The following EIF2AK4 variants were observed in gnomAD, a reference collection of about 807,000 sequenced individuals.
The protein encoded by EIF2AK4 is eIF-2-alpha kinase GCN2.
A neutral mutation model predicts 211.1 loss-of-function variants in EIF2AK4; 139 were observed. The observed-to-expected ratio is 0.66, with a 90% CI of 0.57 to 0.76. The LOEUF is 0.76. EIF2AK4 is among the 30% of genes least tolerant of loss of function. The probability of loss-of-function intolerance (pLI) is 0.00; values close to 1 mark genes in which losing one functional copy is unlikely to be tolerated. For missense variants in EIF2AK4, 1,664 were observed against 2,043.8 expected (o/e 0.81, Z 3.58); for synonymous variants, 710 against 751.3 (o/e 0.94, Z 0.90).
At chr15:39,938,457 T>C (rs958328387) in intron 1 of EIF2AK4, among the ~76,000 whole-genome samples, 2 of 152,232 alleles carry the variant, frequency 1.3e-5, no homozygotes, top group African/African-American at 4.8e-5. Flanking sequence ...TGGTACTCCT[T>C]GTAAGGTTCA....
chr15:40,010,547 G>A (rs2035221311), intron 26 of EIF2AK4, among the ~76,000 whole-genome samples: 2 of 152,158 alleles, frequency 1.3e-5, no homozygotes, highest in South Asian at 4.1e-4. Flanking sequence ...GAATGCTTAT[G>A]TTTTCTAATA....
At position 39,976,774 on chromosome 15, in the gene EIF2AK4, G is replaced by A. The variant is rs1431341594; in HGVS notation, c.2179G>A (p.Gly727Ser). ...RSASARFPAT[G>S]PGSSDDEDDD... ...GGCCAGTGCCCGTTTCCCCGCCACCGGCCCGGGCTCCAGCGATGACGAGGA... is the reference window on the plus strand; with the variant it reads ...GGCCAGTGCCCGTTTCCCCGCCACCAGCCCGGGCTCCAGCGATGACGAGGA... The change falls in exon 12 of 39, where the codon GGC (glycine) becomes AGC (serine). Residue 727 changes from glycine to serine, a missense_variant. Around this residue, in one of 7 missense-constraint regions of EIF2AK4, gnomAD observed 206 missense variants for 201.9 expected, o/e 1.02. Transcript: ENST00000263791. 3 of 1,590,824 alleles carry A rather than the reference G, an allele frequency of 1.9e-6. No homozygotes were observed. Among genetic ancestry groups the A allele is most frequent in the South Asian group, 2.3e-5 (2 of 88,246 alleles).
chr15:40,029,861 G>A (rs982153809), intron 34 of EIF2AK4, among the ~76,000 whole-genome samples: 16 of 152,196 alleles, frequency 1.1e-4, no homozygotes, highest in African/African-American at 3.9e-4. Flanking sequence ...AGTGGTGATA[G>A]TTATGCCTTT....
chr15:39,979,429 C>T (rs537821986), intron 13 of EIF2AK4, among the ~76,000 whole-genome samples: 16 of 152,126 alleles, frequency 1.1e-4, no homozygotes, highest in Admixed American at 2.0e-4. Context: ...TTTACTTTGT[C>T]CAGATTAAGA....
At chr15:39,973,144 A>G (rs2034647742) in intron 10 of EIF2AK4, 130 bp downstream of exon 10, 2 of 771,798 alleles carry the variant, frequency 2.6e-6, no homozygotes, top group Non-Finnish European at 4.3e-6. Context: ...TAAATCCATT[A>G]GTTTGATGTG....
intron 29 of EIF2AK4, among the ~76,000 whole-genome samples, chr15:40,017,558 T>TGTATGTA (rs1555422343): frequency 6.3e-5 from 8 of 127,998 alleles, no homozygotes; most frequent in East Asian, 2.3e-4. Flanking sequence ...TATATATGTA[T>TGTATGTA]TTTGGAGACA....
At chr15:40,023,243 T>C (rs2035418615) in intron 32 of EIF2AK4, among the ~76,000 whole-genome samples, 1 of 152,260 alleles carries the variant, frequency 6.6e-6, no homozygotes, top group Non-Finnish European at 1.5e-5. Flanking sequence ...AATTTTACTT[T>C]TTTGTATTCA....
chr15:39,984,336 CTCT>C (rs1311666445), intron 13 of EIF2AK4, among the ~76,000 whole-genome samples: 1 of 152,182 alleles, frequency 6.6e-6, no homozygotes, highest in Non-Finnish European at 1.5e-5. Context: ...GCTATACGGG[CTCT>C]TTTTTGGTCC....
chr15:39,998,215 A>C (rs1170925203), intron 19 of EIF2AK4, among the ~76,000 whole-genome samples: 1 of 131,528 alleles, frequency 7.6e-6, no homozygotes, highest in Non-Finnish European at 1.6e-5. Flanking sequence ...GGAAGTAGAG[A>C]TTTTTTTTCT....
At chr15:40,007,149 C>T in intron 24 of EIF2AK4, 84 bp downstream of exon 24, 1 of 1,239,120 alleles carries the variant, frequency 8.1e-7, no homozygotes, top group Non-Finnish European at 1.1e-6. Context: ...ATTTTATTTC[C>T]TGTGATCCTT....
In EIF2AK4 at chr15:39,967,496, C is replaced by T. The variant is rs1229144065; in HGVS notation, c.1170C>T (p.His390=). ...EHISGVSLAA[H]LSHSGPIPVH... ...TTAGTGGGGTCTCTCTTGCTGCACACCTGAGCCACTCAGGCCCCATCCCTG... is the reference window on the plus strand; with the variant it reads ...TTAGTGGGGTCTCTCTTGCTGCACATCTGAGCCACTCAGGCCCCATCCCTG... Residue 390 remains histidine (H), a synonymous_variant, in exon 9 of 39, where the codon CAC becomes CAT. Coordinates refer to ENST00000263791, the MANE Select transcript of EIF2AK4 (RefSeq NM_001013703.4). The T allele has an allele frequency of 2.5e-5, 41 of 1,613,952 alleles. No individual in the cohort carries two copies. The highest frequency in any genetic ancestry group is 1.9e-4 in the South Asian group (17 of 91,080).
intron 25 of EIF2AK4, 114 bp downstream of exon 25, chr15:40,008,309 C>A: frequency 1.0e-6 from 1 of 953,036 alleles, no homozygotes; most frequent in Non-Finnish European, 1.5e-6. Flanking sequence ...AGATGAATCA[C>A]ATCTTTACTA....
intron 1 of EIF2AK4, among the ~76,000 whole-genome samples, chr15:39,937,180 G>A (rs1179837037): frequency 6.6e-6 from 1 of 152,146 alleles, no homozygotes; most frequent in East Asian, 1.9e-4. Context: ...TAATTTGATA[G>A]CTTTTGGAAA....
At position 39,965,756 on chromosome 15, in the gene EIF2AK4, G is replaced by T; in HGVS notation, c.930G>T (p.Leu310Phe). 6.2e-7 allele frequency: 1 copy of T among 1,614,104 alleles called. No individual in the cohort carries two copies. The highest frequency in any genetic ancestry group is 8.5e-7 in the Non-Finnish European group (1 of 1,179,980). ...LETATGGFVL[L>F]YEWVLQWQKK... ...CAGCCACTGGTGGCTTTGTCTTGTTGTATGAGTGGGTCCTTCAGTGGCAGA... is the reference window on the plus strand; with the variant it reads ...CAGCCACTGGTGGCTTTGTCTTGTTTTATGAGTGGGTCCTTCAGTGGCAGA... The change falls in exon 8 of 39, where the codon TTG (leucine) becomes TTT (phenylalanine). Residue 310 changes from leucine to phenylalanine, a missense_variant. By Grantham distance (22) the Leu-to-Phe change is conservative (BLOSUM62 0). Around this residue, in one of 7 missense-constraint regions of EIF2AK4, gnomAD observed 641 missense variants for 729.6 expected, o/e 0.88. Coordinates refer to ENST00000263791, the MANE Select transcript of EIF2AK4 (RefSeq NM_001013703.4).
chr15:39,986,880 C>CAAAAAA (rs572153413), intron 14 of EIF2AK4, among the ~76,000 whole-genome samples: 7 of 151,990 alleles, frequency 4.6e-5, no homozygotes, highest in African/African-American at 1.7e-4. Flanking sequence ...ACAACAACAA[C>CAAAAAA]AAAAACAAAG....
rs2034027679 is a variant in EIF2AK4 at position 39,934,207 on chromosome 15, C to T, written c.12C>T (p.Gly4=). Residue 4 remains glycine, a synonymous_variant, in exon 1 of 39, where the codon GGC becomes GGT. Transcript: ENST00000263791. The part of the protein sequence containing the change: MAG[G]RGAPGRGRDE... Reference sequence around the variant, plus strand: ...GGCGCAGCGCTGCCATGGCTGGGGGCCGTGGGGCCCCCGGGCGCGGCCGGG... The same window carrying T: ...GGCGCAGCGCTGCCATGGCTGGGGGTCGTGGGGCCCCCGGGCGCGGCCGGG... The T allele has an allele frequency of 3.8e-6, 6 of 1,570,378 alleles. No individual in the cohort carries two copies. The highest frequency in any genetic ancestry group is 1.7e-4 in the Middle Eastern group (1 of 5,930).
chr15:40,029,700 T>A (rs1033564324), intron 34 of EIF2AK4, among the ~76,000 whole-genome samples: 6 of 152,258 alleles, frequency 3.9e-5, no homozygotes, highest in Non-Finnish European at 8.8e-5. Context: ...ACAAGTGATT[T>A]AATCTTCCTT....
At chr15:39,960,851 A>G (rs1038817891) in intron 6 of EIF2AK4, among the ~76,000 whole-genome samples, 3 of 152,232 alleles carry the variant, frequency 2.0e-5, no homozygotes, top group Non-Finnish European at 4.4e-5. Flanking sequence ...AAGTAACTTT[A>G]TAGGAGGAAC....
At chr15:39,961,124 G>C (rs1010276140) in intron 6 of EIF2AK4, among the ~76,000 whole-genome samples, 3 of 152,126 alleles carry the variant, frequency 2.0e-5, no homozygotes, top group African/African-American at 4.8e-5. Flanking sequence ...TAGAAAAAAA[G>C]AAAGAGAGGA....
Sources: allele counts gnomAD v4.1 joint callset (sites outside exome capture counted in the v4.1 genomes callset), GRCh38; gene constraint gnomAD v4.1.1; regional missense constraint gnomAD v4.1.1; transcripts MANE v1.5; gene names NCBI Gene and HGNC (gene_info 2026-07-23, HGNC 2026-07-21).